FAM149B1: variants seen among roughly 807,000 people sequenced by gnomAD.
FAM149B1 encodes primary cilium assembly protein FAM149B1.
In FAM149B1, 56 loss-of-function variants were observed where a neutral mutation model predicts 75.3. The ratio of observed to expected loss-of-function variants is 0.74; its 90% CI spans 0.60 to 0.93. The LOEUF is 0.93. Ranked by LOEUF, FAM149B1 falls within the 40% of genes least tolerant of loss-of-function variation. FAM149B1 has a pLI of 0.00. For missense variants in FAM149B1, 639 were observed against 708.4 expected, an observed-to-expected ratio of 0.90 and a Z score of 1.11; for synonymous variants, 259 against 256.1, an observed-to-expected ratio of 1.01 and a Z score of -0.11.
At chr10:73,204,024 G>A (rs533517305) in intron 5 of FAM149B1, among the ~76,000 whole-genome samples, 5 of 152,252 alleles carry the variant, frequency 3.3e-5, no homozygotes, top group Admixed American at 1.3e-4. Flanking sequence ...CAAAGAAAAT[G>A]TTTATTTTAA....
At position 73,193,596 on chromosome 10, in the gene FAM149B1, G is replaced by A; in HGVS notation, c.542+3G>A. On this transcript the variant is annotated splice_donor_region_variant and intron_variant, in intron 5 of 13. Transcript: ENST00000242505. ...TCTCAAGAAAGAGATTCTACTATGT[G>A]AGTATTCCATTATGTAAGTACTTCA... The A allele has an allele frequency of 2.6e-6, 4 of 1,550,106 alleles. No homozygotes were observed. Among genetic ancestry groups the A allele is most frequent in the Non-Finnish European group, 3.5e-6 (4 of 1,146,432 alleles).
chr10:73,205,946 G>A (rs1228049704), intron 5 of FAM149B1, among the ~76,000 whole-genome samples: 2 of 152,240 alleles, frequency 1.3e-5, no homozygotes, highest in Admixed American at 6.5e-5. Context: ...CAATGTGGAA[G>A]TGACTTTGAA....
rs1214144114 is a variant in FAM149B1 at position 73,208,629 on chromosome 10, A to C, written c.553A>C (p.Arg185=). The change falls in exon 6 of 14, where the codon AGG becomes CGG. Residue 185 remains arginine, a synonymous_variant. Coordinates refer to ENST00000242505, the MANE Select transcript of FAM149B1 (RefSeq NM_173348.2). Reference sequence around the variant, plus strand: ...TTTTTCCACTCCAAGATTTGGTATAAGGGGAAAGAAGTTACATTTTTCATC... The same window carrying C: ...TTTTTCCACTCCAAGATTTGGTATACGGGGAAAGAAGTTACATTTTTCATC... ...QERDSTIFGI[R]GKKLHFSSSY... is the part of the protein sequence containing the mutation. 2 of 1,520,356 alleles carry C rather than the reference A, an allele frequency of 1.3e-6. No individual in the cohort carries two copies. Among genetic ancestry groups the C allele is most frequent in the South Asian group, 2.5e-5 (2 of 79,316 alleles). The allele number at this position is 1,520,356 out of a possible 1,614,324, so 94.2% of individuals were successfully genotyped here.
intron 7 of FAM149B1, among the ~76,000 whole-genome samples, chr10:73,210,869 CAAATGTTTTTCCCT>C (rs1446197264): frequency 6.6e-6 from 1 of 151,914 alleles, no homozygotes. Context: ...AGGAAAAACC[CAAATGTTTTTCCCT>C]AAATGTTTTT....
At chr10:73,201,574 T>A (rs2042939726) in intron 5 of FAM149B1, among the ~76,000 whole-genome samples, 1 of 152,234 alleles carries the variant, frequency 6.6e-6, no homozygotes, top group Non-Finnish European at 1.5e-5. Flanking sequence ...AAGTGCTGTA[T>A]AAAATCAGCC....
chr10:73,232,896 T>C, intron 9 of FAM149B1, 43 bp from the exon 10 acceptor site: 2 of 1,170,824 alleles, frequency 1.7e-6, no homozygotes, highest in Non-Finnish European at 2.5e-6. Context: ...TTCCTTGACA[T>C]ACTGATCTTT....
chr10:73,223,457 G>A (rs1414295274), intron 7 of FAM149B1, among the ~76,000 whole-genome samples: 1 of 152,112 alleles, frequency 6.6e-6, no homozygotes, highest in Non-Finnish European at 1.5e-5. Flanking sequence ...TGGATATGTG[G>A]GTGGTTTGTC....
At chr10:73,223,309 A>G (rs1282417595) in intron 7 of FAM149B1, among the ~76,000 whole-genome samples, 1 of 152,174 alleles carries the variant, frequency 6.6e-6, no homozygotes, top group East Asian at 1.9e-4. Context: ...ATGGATTCAT[A>G]TAGTATATAC....
intron 5 of FAM149B1, among the ~76,000 whole-genome samples, chr10:73,196,642 A>C (rs1212691245): frequency 6.6e-6 from 1 of 152,154 alleles, no homozygotes; most frequent in Non-Finnish European, 1.5e-5. Flanking sequence ...TCCACATTAA[A>C]TCAGATTTTT....
intron 1 of FAM149B1, among the ~76,000 whole-genome samples, chr10:73,171,576 A>T (rs1269428989): frequency 6.6e-6 from 1 of 152,148 alleles, no homozygotes; most frequent in Admixed American, 6.6e-5. Context: ...CCCACATTCA[A>T]CAGTTAACAA....
In FAM149B1 at chr10:73,192,578, A is replaced by C; in HGVS notation, c.305A>C (p.Glu102Ala). The part of the protein sequence containing the change: ...GYGELDQNAT[E>A]KVQTMFTAID... Reference sequence around the variant, plus strand: ...TAGGAACTCGATCAAAATGCCACTGAAAAAGTCCAGACAATGTTCACAGCC... The same window carrying C: ...TAGGAACTCGATCAAAATGCCACTGCAAAAGTCCAGACAATGTTCACAGCC... Residue 102 changes from glutamate (E) to alanine (A), a missense_variant, in exon 4 of 14, where the codon GAA becomes GCA. Physicochemically the swap from Glu to Ala is moderately radical, Grantham distance 107. Transcript: ENST00000242505. 1 of 1,551,388 alleles carries C rather than the reference A, an allele frequency of 6.4e-7. No individual in the cohort carries two copies. The highest frequency in any genetic ancestry group is 8.7e-7 in the Non-Finnish European group (1 of 1,146,902).
intron 1 of FAM149B1, among the ~76,000 whole-genome samples, chr10:73,170,620 A>G (rs533277839): frequency 3.3e-4 from 50 of 152,322 alleles, no homozygotes; most frequent in African/African-American, 1.2e-3. Context: ...TTGGGATACA[A>G]TAGGCATACA....
At chr10:73,235,019 G>T in intron 11 of FAM149B1, 79 bp downstream of exon 11, 1 of 1,508,890 alleles carries the variant, frequency 6.6e-7, no homozygotes, top group South Asian at 1.3e-5. Context: ...TCTGTGCCCT[G>T]ATCTTGATTT....
At chr10:73,176,268 T>TA (rs1843961368) in intron 2 of FAM149B1, among the ~76,000 whole-genome samples, 1 of 152,102 alleles carries the variant, frequency 6.6e-6, no homozygotes, top group Non-Finnish European at 1.5e-5. Flanking sequence ...CAGGTGGTAA[T>TA]GCGAGCCATG....
At chr10:73,225,576 A>C (rs2133391048) in intron 7 of FAM149B1, among the ~76,000 whole-genome samples, 1 of 152,350 alleles carries the variant, frequency 6.6e-6, no homozygotes, top group East Asian at 1.9e-4. Flanking sequence ...AAAATAAAAA[A>C]TTTATAAAGT....
Position 73,208,795 on chromosome 10 carries a change from T to TA in FAM149B1, c.710+10dup, listed in dbSNP as rs1461795097. 1 of 1,449,834 alleles carries TA rather than the reference T, an allele frequency of 6.9e-7. No homozygotes were observed. Among genetic ancestry groups the TA allele is most frequent in the East Asian group, 2.6e-5 (1 of 38,928 alleles). 89.8% of individuals were successfully genotyped at this position (1,449,834 alleles called of 1,614,324 possible). On this transcript the variant is annotated intron_variant, in intron 6 of 13. Coordinates refer to ENST00000242505, the MANE Select transcript of FAM149B1 (RefSeq NM_173348.2). ...TTCGATCACATAGATATGTGAGTAT[T>TA]ATGCCTTTTAAGCTTTTTACTCCCC...
intron 4 of FAM149B1, 128 bp from the exon 5 acceptor site, chr10:73,193,349 T>C: frequency 1.3e-6 from 1 of 763,180 alleles, no homozygotes; most frequent in Non-Finnish European, 2.0e-6. Flanking sequence ...ATTTTCTCAT[T>C]CTTAATCAGT....
At chr10:73,212,131 G>A (rs920665100) in intron 7 of FAM149B1, among the ~76,000 whole-genome samples, 1 of 152,024 alleles carries the variant, frequency 6.6e-6, no homozygotes, top group Admixed American at 6.6e-5. Flanking sequence ...AGCCTTTATG[G>A]AAAAAAGCAT....
At chr10:73,171,120 A>AT (rs1178866590) in intron 1 of FAM149B1, among the ~76,000 whole-genome samples, 1 of 151,960 alleles carries the variant, frequency 6.6e-6, no homozygotes, top group African/African-American at 2.4e-5. Context: ...TGCCCAGCTA[A>AT]TTTTTGTATT....
Sources: allele counts gnomAD v4.1 joint callset (sites outside exome capture counted in the v4.1 genomes callset), GRCh38; gene constraint gnomAD v4.1.1; transcripts MANE v1.5; gene names NCBI Gene and HGNC (gene_info 2026-07-23, HGNC 2026-07-21).